Variants in FHOD3 observed in about 807,000 individuals in gnomAD.
FHOD3 encodes the protein formin homology 2 domain containing 3.
FHOD3 carries 90 observed loss-of-function variants against 173.0 expected under a neutral mutation model. The ratio of observed to expected loss-of-function variants is 0.52; its 90% CI spans 0.44 to 0.62. FHOD3 has a LOEUF of 0.62. Among genes scored for constraint, FHOD3 ranks in the 20% least tolerant of loss-of-function variants. The pLI is 0.00. For synonymous variants in FHOD3, 828 were observed against 823.0 expected (o/e 1.01, Z -0.10); for missense variants, 1,945 against 2,034.7 (o/e 0.96, Z 0.85).
intron 11 of FHOD3, 114 bp downstream of exon 11, chr18:36,649,519 A>C: frequency 1.4e-6 from 1 of 694,118 alleles, no homozygotes; most frequent in African/African-American, 1.8e-5. Flanking sequence ...CCACTTGCAA[A>C]CTCTTACTTA....
intron 3 of FHOD3, among the ~76,000 whole-genome samples, chr18:36,405,253 G>A (rs1266461704): frequency 6.6e-6 from 1 of 152,228 alleles, no homozygotes; most frequent in Non-Finnish European, 1.5e-5. Flanking sequence ...TTGTGCATCT[G>A]TAAGATGGGC....
At chr18:36,423,285 C>G (rs1036856786) in intron 3 of FHOD3, among the ~76,000 whole-genome samples, 1 of 152,136 alleles carries the variant, frequency 6.6e-6, no homozygotes, top group African/African-American at 2.4e-5. Context: ...TTTAGGATCT[C>G]ATTGGAGATC....
rs745710908 is a variant in FHOD3 at position 36,594,834 on chromosome 18, A to G, written c.654A>G (p.Val218=). The G allele has an allele frequency of 1.2e-6, 2 of 1,613,924 alleles. No individual in the cohort carries two copies. The highest frequency in any genetic ancestry group is 1.1e-5 in the South Asian group (1 of 91,036). Residue 218 remains valine (V), a synonymous_variant, in exon 7 of 29, where the codon GTA becomes GTG. Coordinates refer to ENST00000590592, the MANE Select transcript of FHOD3 (RefSeq NM_001281740.3). ...KTALKLLLVF[V]EYSESNAPLL... ...CCCTGAAGCTGCTGCTCGTCTTTGT[A>G]GAGTACTCGGAGTCCAACGCACCTC...
rs1200134962 is a variant in FHOD3 at position 36,416,468 on chromosome 18, C to T, written c.337+43724C>T. 2.0e-5 allele frequency among the ~76,000 whole-genome samples: 3 copies of T among 152,318 alleles called. No individual in the cohort carries two copies. The East Asian group carries it at 5.8e-4, about 29-fold the overall frequency. ...TCACATCCTGGAGCTGTGGCCTGTG[C>T]CTCAGACACAGTTGCCTGAATGAGC... On this transcript the variant is annotated intron_variant, in intron 3 of 28. Coordinates refer to ENST00000590592, the MANE Select transcript of FHOD3 (RefSeq NM_001281740.3).
intron 3 of FHOD3, 86 bp downstream of exon 3, chr18:36,372,830 C>G (rs953987583): frequency 1.5e-5 from 17 of 1,115,386 alleles, no homozygotes; most frequent in Non-Finnish European, 2.3e-5. Flanking sequence ...GTTATGCTGT[C>G]TGTTTGCACT....
At chr18:36,619,128 G>A (rs2033488521) in intron 9 of FHOD3, among the ~76,000 whole-genome samples, 1 of 151,998 alleles carries the variant, frequency 6.6e-6, no homozygotes, top group Non-Finnish European at 1.5e-5. Flanking sequence ...TCATGTACTT[G>A]GAGACCACTA....
chr18:36,730,641 C>T lies in FHOD3; in HGVS notation c.3418-5C>T. 6.2e-7 allele frequency: 1 copy of T among 1,608,830 alleles called. No individual in the cohort carries two copies. The highest frequency in any genetic ancestry group is 8.5e-7 in the Non-Finnish European group (1 of 1,178,578). ...AATCTTGGATTCTCCTTTTTTATCA[C>T]TAAGAAAACTGCTGCAGATGGAAAA... On this transcript the variant is annotated splice_region_variant and splice_polypyrimidine_tract_variant and intron_variant, in intron 19 of 28. Transcript: ENST00000590592.
chr18:36,482,850 CACACACACAGAGAGAGAG>C (rs1195833036), intron 3 of FHOD3, among the ~76,000 whole-genome samples: 10 of 104,274 alleles, frequency 9.6e-5, no homozygotes, highest in East Asian at 4.5e-4. Context: ...CACACACTCA[CACACACACAGAGAGAGAG>C]AGAGAGAGAG....
At chr18:36,401,101 T>C (rs1568223469) in intron 3 of FHOD3, among the ~76,000 whole-genome samples, 2 of 152,118 alleles carry the variant, frequency 1.3e-5, no homozygotes, top group Non-Finnish European at 2.9e-5. Context: ...ACGTGATGCA[T>C]GGCGTGCTGT....
chr18:36,356,475 A>G (rs1042705571), intron 2 of FHOD3, among the ~76,000 whole-genome samples: 3 of 152,028 alleles, frequency 2.0e-5, no homozygotes, highest in Non-Finnish European at 4.4e-5. Context: ...ATGGGGCCCC[A>G]CCTTTTTCCT....
intron 5 of FHOD3, among the ~76,000 whole-genome samples, chr18:36,556,963 T>A (rs1003300626): frequency 3.9e-5 from 6 of 152,190 alleles, no homozygotes; most frequent in African/African-American, 1.4e-4. Flanking sequence ...GATGACAGGT[T>A]TTTTCTCCAG....
At chr18:36,717,033 C>T (rs1196815689) in intron 18 of FHOD3, among the ~76,000 whole-genome samples, 1 of 151,374 alleles carries the variant, frequency 6.6e-6, no homozygotes, top group Non-Finnish European at 1.5e-5. Context: ...GAGTGGGTTA[C>T]TAATGCACAA....
At chr18:36,495,392 T>C (rs957632486) in intron 3 of FHOD3, among the ~76,000 whole-genome samples, 1 of 152,162 alleles carries the variant, frequency 6.6e-6, no homozygotes, top group African/African-American at 2.4e-5. Flanking sequence ...CCTCCCCTGA[T>C]TGGAGCTGTA....
chr18:36,730,363 AT>A (rs903116066), intron 19 of FHOD3, among the ~76,000 whole-genome samples: 8 of 152,012 alleles, frequency 5.3e-5, no homozygotes, highest in South Asian at 2.1e-4. Context: ...GAAAAAACAG[AT>A]TTTTTTTTCT....
At position 36,755,121 on chromosome 18, in the gene FHOD3, T is replaced by A; in HGVS notation, c.4235T>A (p.Phe1412Tyr). The A allele has an allele frequency of 1.3e-6, 2 of 1,566,170 alleles. No individual in the cohort carries two copies. Among genetic ancestry groups the A allele is most frequent in the Non-Finnish European group, 1.7e-6 (2 of 1,158,078 alleles). The stretch of plus-strand genomic sequence containing the variant: ...CTATTACTGTTTTTTCCTTGCAGAT[T>A]CCACTCCTTTTTACTCTTTATGGGC... ...KIVHRRIINR[F>Y]HSFLLFMGHP... Residue 1412 changes from phenylalanine (F) to tyrosine (Y), a missense_variant and splice_region_variant, in exon 25 of 29, where the codon TTC becomes TAC. By Grantham distance (22) the Phe-to-Tyr change is conservative. Coordinates refer to ENST00000590592, the MANE Select transcript of FHOD3 (RefSeq NM_001281740.3).
intron 17 of FHOD3, among the ~76,000 whole-genome samples, chr18:36,700,655 CAG>C (rs2039531451): frequency 6.6e-6 from 1 of 152,160 alleles, no homozygotes. Flanking sequence ...AGGCTCTTCT[CAG>C]CAACCCAATT....
intron 1 of FHOD3, among the ~76,000 whole-genome samples, chr18:36,298,375 G>A (rs1000352908): frequency 2.6e-5 from 4 of 152,198 alleles, no homozygotes; most frequent in Admixed American, 6.5e-5. Flanking sequence ...ACCAAGCGGG[G>A]CGCGGGAAGA....
rs142810611 is a variant in FHOD3, at chr18:36,748,909, A to G, written c.4232+1774A>G. On this transcript the variant is annotated intron_variant, in intron 24 of 28. Coordinates refer to ENST00000590592, the MANE Select transcript of FHOD3 (RefSeq NM_001281740.3). ...TCATTTTTCCTTCCCCCTCCCACCA[A>G]CAGTCCTCAGGATCATAGCTGAGGA... Among the ~76,000 whole-genome samples the G allele has an allele frequency of 2.2e-4, 34 of 151,820 alleles. No homozygotes were observed. The East Asian group carries it at 5.8e-3, about 26-fold the overall frequency.
intron 1 of FHOD3, among the ~76,000 whole-genome samples, chr18:36,333,250 G>A (rs1289846101): frequency 1.3e-5 from 2 of 152,172 alleles, no homozygotes; most frequent in African/African-American, 2.4e-5. Context: ...GCCAAAGGAG[G>A]GAGTGAGGAA....
Sources: allele counts gnomAD v4.1 joint callset (sites outside exome capture counted in the v4.1 genomes callset), GRCh38; gene constraint gnomAD v4.1.1; transcripts MANE v1.5; gene names NCBI Gene and HGNC (gene_info 2026-07-23, HGNC 2026-07-21).